Variants in ACTN1 observed in about 807,000 individuals in gnomAD.
ACTN1 encodes the protein alpha-actinin-1.
Under a neutral mutation model 119.6 loss-of-function variants are expected in ACTN1, and 30 were observed. The observed-to-expected ratio is 0.25, with a 90% CI of 0.19 to 0.34. The LOEUF is 0.34. ACTN1 is among the 10% of genes least tolerant of loss of function. The pLI, the probability that ACTN1 is intolerant of heterozygous loss-of-function variation, is 1.00. For synonymous variants in ACTN1, 429 were observed against 472.6 expected (o/e 0.91, Z 1.20); for missense variants, 764 against 1,223.4 (o/e 0.62, Z 5.60).
intron 1 of ACTN1, among the ~76,000 whole-genome samples, chr14:68,933,575 A>G (rs1183190222): frequency 6.6e-6 from 1 of 152,218 alleles, no homozygotes. Context: ...TGGCAACTAG[A>G]ATACGGCCTC....
intron 1 of ACTN1, among the ~76,000 whole-genome samples, chr14:68,971,117 T>C (rs1384037948): frequency 1.3e-5 from 2 of 152,204 alleles, no homozygotes; most frequent in East Asian, 1.9e-4. Flanking sequence ...TCTGTACTTC[T>C]GGTTAAAAGC....
In ACTN1 at chr14:68,890,285, T is replaced by C. The variant is rs762009231; in HGVS notation, c.1088A>G (p.Asp363Gly). The change falls in exon 11 of 22, where the codon GAC becomes GGC. Residue 363 changes from aspartate (D) to glycine (G), a missense_variant and splice_region_variant. Asp to Gly is a moderately conservative substitution (Grantham distance 94). Coordinates refer to ENST00000394419, the MANE Select transcript of ACTN1 (RefSeq NM_001130004.2). ...FMPSEGRMVS[D>G]INNAWGCLEQ... is the part of the protein sequence containing the mutation. ...CAGGCAGCCCCAGGCATTGTTGATG[T>C]CCTGTGGGGATGGGAGGTACAGGGT... 7 of 1,614,018 alleles carry C rather than the reference T, an allele frequency of 4.3e-6. No individual in the cohort carries two copies. Among genetic ancestry groups the C allele is most frequent in the Admixed American group, 3.3e-5 (2 of 59,998 alleles).
At chr14:68,894,461 GA>G (rs1273752131) in intron 8 of ACTN1, among the ~76,000 whole-genome samples, 1 of 152,192 alleles carries the variant, frequency 6.6e-6, no homozygotes, top group African/African-American at 2.4e-5. Context: ...CAAAGGGAAG[GA>G]AAGGGGACTG....
chr14:68,923,373 C>T (rs1351565594), intron 2 of ACTN1, among the ~76,000 whole-genome samples: 1 of 152,124 alleles, frequency 6.6e-6, no homozygotes, highest in Non-Finnish European at 1.5e-5. Flanking sequence ...GCACAGTCCA[C>T]TCAGATTAGG....
At chr14:68,910,261 A>T (rs2140291831) in intron 4 of ACTN1, among the ~76,000 whole-genome samples, 1 of 152,350 alleles carries the variant, frequency 6.6e-6, no homozygotes, top group South Asian at 2.1e-4. Flanking sequence ...GTCGTGTTAC[A>T]CGTGTAAATT....
chr14:68,915,250 C>T (rs905372024), intron 3 of ACTN1, among the ~76,000 whole-genome samples: 3 of 151,806 alleles, frequency 2.0e-5, no homozygotes, highest in Non-Finnish European at 4.4e-5. Context: ...CCCTCCTCCC[C>T]CTGCTCCTTC....
At chr14:68,888,395 GT>G in intron 11 of ACTN1, 1 of 252,568 alleles carries the variant, frequency 4.0e-6, no homozygotes, top group East Asian at 1.0e-4. Flanking sequence ...ACAGAAGCAT[GT>G]GATGAATCAG....
chr14:68,955,965 A>C (rs909402361), intron 1 of ACTN1, among the ~76,000 whole-genome samples: 6 of 152,208 alleles, frequency 3.9e-5, no homozygotes. Flanking sequence ...AAGGAGACAA[A>C]GCTTCATTAA....
At chr14:68,943,633 G>C (rs1253361515) in intron 1 of ACTN1, among the ~76,000 whole-genome samples, 1 of 152,180 alleles carries the variant, frequency 6.6e-6, no homozygotes, top group Non-Finnish European at 1.5e-5. Context: ...GGGGAGGTGA[G>C]GGAAGGAGAG....
In ACTN1 at chr14:68,925,325, T is replaced by TC. The variant is rs1406859810; in HGVS notation, c.220+232_220+233insG. On this transcript the variant is annotated intron_variant, in intron 2 of 21. Coordinates refer to ENST00000394419, the MANE Select transcript of ACTN1 (RefSeq NM_001130004.2). The surrounding 1 kb of genome is among the most constrained non-coding windows in gnomAD (Gnocchi z 4.3). ...CCTCAGTTCCTTCAAACCCTTTTTT[T>TC]TTTTTTTTTTTTTTTTAAAACAAAC... Among the ~76,000 whole-genome samples, 6 of 149,416 alleles carry TC rather than the reference T, an allele frequency of 4.0e-5. No homozygotes were observed. In the East Asian group the frequency reaches 1.2e-3, roughly 30 times the overall value.
Position 68,880,786 on chromosome 14 carries a change from A to T in ACTN1, c.2133+24T>A. ...CAGAAGGGGCCACGGGCTCCCGAAG[A>T]GGAACAAGGCCAGCCCCACCCACCT... On this transcript the variant is annotated intron_variant, in intron 17 of 21. Transcript: ENST00000394419. This position sits in a 1 kb window ranked among gnomAD's most constrained non-coding sequence, Gnocchi z 4.6. 1 of 1,609,800 alleles carries T rather than the reference A, an allele frequency of 6.2e-7. No individual in the cohort carries two copies. Among genetic ancestry groups the T allele is most frequent in the Non-Finnish European group, 8.5e-7 (1 of 1,176,674 alleles).
At chr14:68,966,258 G>GT (rs2036704553) in intron 1 of ACTN1, among the ~76,000 whole-genome samples, 1 of 152,092 alleles carries the variant, frequency 6.6e-6, no homozygotes, top group South Asian at 2.1e-4. Context: ...AAAAAAAGAA[G>GT]TGCTTAACTC....
chr14:68,947,289 T>C (rs2035974467), intron 1 of ACTN1: 1 of 152,220 alleles, frequency 6.6e-6, no homozygotes, highest in South Asian at 2.1e-4. Flanking sequence ...CACCTCTGTG[T>C]GGAGAAGAAT....
At chr14:68,954,277 A>G (rs2036273993) in intron 1 of ACTN1, among the ~76,000 whole-genome samples, 1 of 152,174 alleles carries the variant, frequency 6.6e-6, no homozygotes, top group South Asian at 2.1e-4. Flanking sequence ...TAGATATGGA[A>G]GCACTTTTTT....
At chr14:68,914,595 T>C (rs915412266) in intron 3 of ACTN1, among the ~76,000 whole-genome samples, 1 of 152,030 alleles carries the variant, frequency 6.6e-6, no homozygotes, top group African/African-American at 2.4e-5. Context: ...GGAGACCTTG[T>C]CTCTACAAAA....
chr14:68,939,491 A>C (rs911973033), intron 1 of ACTN1, among the ~76,000 whole-genome samples: 1 of 152,232 alleles, frequency 6.6e-6, no homozygotes, highest in African/African-American at 2.4e-5. Flanking sequence ...TAAAGTAGTC[A>C]CGAGGGAGGG....
In ACTN1 at chr14:68,881,936, C is replaced by CTTTTTTTTTT. The variant is rs781067137; in HGVS notation, c.1953+512_1953+521dup. 2.1e-4 allele frequency among the ~76,000 whole-genome samples: 12 copies of CTTTTTTTTTT among 58,392 alleles called. 2 individuals carry two copies. The highest frequency in any genetic ancestry group is 1.1e-3 in the African/African-American group (10 of 9,522). The allele number at this position is 58,392 out of a possible 152,430, so 38.3% of individuals were successfully genotyped here. Reference sequence around the variant, plus strand: ...AGTATGGGACTTTCATAGGCAGCTTCTTTTTTTTTTTTTTTTTTTGACAGA... The same window carrying CTTTTTTTTTT: ...AGTATGGGACTTTCATAGGCAGCTTCTTTTTTTTTTTTTTTTTTTTTTTTTTTTTGACAGA... On this transcript the variant is annotated intron_variant, in intron 16 of 21. Transcript: ENST00000394419.
chr14:68,920,526 G>C (rs1195081006), intron 3 of ACTN1, among the ~76,000 whole-genome samples: 1 of 152,178 alleles, frequency 6.6e-6, no homozygotes, highest in Non-Finnish European at 1.5e-5. Context: ...AAGTTAAAGA[G>C]TTAGGAAGCT....
chr14:68,947,952 C>G (rs560724512), intron 1 of ACTN1, among the ~76,000 whole-genome samples: 3 of 152,356 alleles, frequency 2.0e-5, no homozygotes, highest in South Asian at 2.1e-4. Flanking sequence ...TCATCACACA[C>G]GCACATAATC....
Sources: gnomAD v4.1 joint callset for allele counts (sites outside exome capture counted in the v4.1 genomes callset) on GRCh38, gnomAD v4.1.1 for gene constraint, Gnocchi (gnomAD v3.1) non-coding constraint, MANE v1.5 for transcripts, NCBI Gene and HGNC (gene_info 2026-07-23, HGNC 2026-07-21) for gene names.